The following ETV1 variants were observed in gnomAD, a reference collection of about 807,000 sequenced individuals.
ETV1 encodes the protein ETS variant transcription factor 1.
In ETV1, 27 loss-of-function variants were observed where a neutral mutation model predicts 62.3. The ratio of observed to expected loss-of-function variants is 0.43; its 90% CI spans 0.32 to 0.60. The LOEUF is 0.60. Ranked by LOEUF, ETV1 falls within the 20% of genes least tolerant of loss-of-function variation. The probability of loss-of-function intolerance (pLI) is 0.06; values close to 1 mark genes in which losing one functional copy is unlikely to be tolerated. For synonymous variants in ETV1, 222 were observed against 199.6 expected, an observed-to-expected ratio of 1.11 and a Z score of -0.94; for missense variants, 605 against 605.8, an observed-to-expected ratio of 1.00 and a Z score of 0.01.
chr7:13,938,144 C>T (rs765226357), intron 7 of ETV1, among the ~76,000 whole-genome samples: 8 of 152,078 alleles, frequency 5.3e-5, no homozygotes, highest in Non-Finnish European at 7.3e-5. Flanking sequence ...GAGGTTTCTC[C>T]GTGTTGGTCA....
At chr7:13,925,838 G>T (rs562318383) in intron 9 of ETV1, among the ~76,000 whole-genome samples, 78 of 151,830 alleles carry the variant, frequency 5.1e-4, no homozygotes, top group African/African-American at 1.9e-3. Flanking sequence ...TTACAGGCAT[G>T]AGCCACCGCG....
chr7:13,970,160 C>T (rs1048258613), intron 6 of ETV1, among the ~76,000 whole-genome samples: 4 of 151,924 alleles, frequency 2.6e-5, no homozygotes, highest in Admixed American at 6.6e-5. Context: ...AGCCGGGAGG[C>T]CGAGGCAGGA....
intron 6 of ETV1, among the ~76,000 whole-genome samples, chr7:13,953,693 A>G (rs576394097): frequency 2.6e-4 from 40 of 152,020 alleles, no homozygotes; most frequent in African/African-American, 8.9e-4. Flanking sequence ...AAAAAGAAAG[A>G]AAAAGGTGGG....
chr7:13,976,579 G>A lies in ETV1; in HGVS notation c.235+848C>T, dbSNP rs1326343294. Among the ~76,000 whole-genome samples, 6 of 152,126 alleles carry A rather than the reference G, an allele frequency of 3.9e-5. No homozygotes were observed. The East Asian group carries it at 1.2e-3, about 29-fold the overall frequency. The stretch of plus-strand genomic sequence containing the variant: ...TAGAAAAAATAAAACAAATTTAGAT[G>A]TCACCAACAGAACAAAAATGCATTA... On this transcript the variant is annotated intron_variant, in intron 6 of 13. Transcript: ENST00000430479.
intron 9 of ETV1, 117 bp downstream of exon 9, chr7:13,931,385 T>C: frequency 8.9e-7 from 1 of 1,118,362 alleles, no homozygotes; most frequent in East Asian, 2.4e-5. Context: ...GGACAAAATC[T>C]GAAAGATCTT....
intron 5 of ETV1, chr7:13,986,306 T>C: frequency 6.7e-7 from 1 of 1,503,660 alleles, no homozygotes; most frequent in Non-Finnish European, 8.8e-7. Flanking sequence ...AGGAGGTCTC[T>C]GGAGGTACAA....
At chr7:13,912,202 T>A (rs189712849) in intron 9 of ETV1, among the ~76,000 whole-genome samples, 2 of 152,138 alleles carry the variant, frequency 1.3e-5, no homozygotes, top group African/African-American at 4.8e-5. Context: ...CTATTACATA[T>A]AAGTGTGACT....
At chr7:13,978,725 A>C (rs1197477300) in intron 5 of ETV1, among the ~76,000 whole-genome samples, 2 of 151,926 alleles carry the variant, frequency 1.3e-5, no homozygotes, top group Non-Finnish European at 2.9e-5. Context: ...AAAAAATTTT[A>C]TATAAAAAAG....
intron 6 of ETV1, among the ~76,000 whole-genome samples, chr7:13,948,604 C>T (rs1030642247): frequency 6.6e-6 from 1 of 152,140 alleles, no homozygotes; most frequent in Non-Finnish European, 1.5e-5. Context: ...CACTCTCCCA[C>T]CCATTCATTT....
intron 9 of ETV1, among the ~76,000 whole-genome samples, chr7:13,925,655 T>C (rs1785332357): frequency 6.6e-6 from 1 of 151,310 alleles, no homozygotes; most frequent in Non-Finnish European, 1.5e-5. Context: ...AAGCTACACC[T>C]CCCTGGTTCA....
rs183800141 is a variant in ETV1, at chr7:13,930,459, C to T, written c.802+1043G>A. Reference sequence around the variant, plus strand: ...GCCTCAGCCTACCAAGTAGCTGGGACTACAGGCACGTGCCAGCATGCCCGG... The same window carrying T: ...GCCTCAGCCTACCAAGTAGCTGGGATTACAGGCACGTGCCAGCATGCCCGG... On this transcript the variant is annotated intron_variant, in intron 9 of 13. Coordinates refer to ENST00000430479, the MANE Select transcript of ETV1 (RefSeq NM_004956.5). Among the ~76,000 whole-genome samples the T allele has an allele frequency of 5.4e-3, 817 of 152,060 alleles. 9 individuals are homozygous for T. Among genetic ancestry groups the T allele is most frequent in the African/African-American group, 0.019 (770 of 41,482 alleles).
At chr7:13,927,991 T>C (rs1029370971) in intron 9 of ETV1, among the ~76,000 whole-genome samples, 35 of 152,272 alleles carry the variant, frequency 2.3e-4, no homozygotes, top group African/African-American at 7.7e-4. Context: ...TTACAAGTAA[T>C]CTGCAAGACA....
chr7:13,954,940 C>G (rs1268082233), intron 6 of ETV1, among the ~76,000 whole-genome samples: 1 of 152,108 alleles, frequency 6.6e-6, no homozygotes, highest in Admixed American at 6.5e-5. Context: ...TCAGTAAATG[C>G]CAATAAAACT....
chr7:13,957,046 T>C (rs1237401745), intron 6 of ETV1, among the ~76,000 whole-genome samples: 3 of 152,150 alleles, frequency 2.0e-5, no homozygotes, highest in Admixed American at 1.3e-4. Context: ...TATTTACTGC[T>C]ACGTAAACCT....
At chr7:13,971,526 T>G (rs975725705) in intron 6 of ETV1, among the ~76,000 whole-genome samples, 1 of 152,160 alleles carries the variant, frequency 6.6e-6, no homozygotes, top group Non-Finnish European at 1.5e-5. Context: ...TTTAATAACA[T>G]TTTTTCCAAT....
rs1412003272 is a variant in ETV1, at chr7:13,894,083, CT to C, written c.*1782del. 10 of 231,968 alleles carry C rather than the reference CT, an allele frequency of 4.3e-5. No individual in the cohort carries two copies. The highest frequency in any genetic ancestry group is 2.2e-4 in the African/African-American group (10 of 45,164). 14.4% of individuals were successfully genotyped at this position (231,968 alleles called of 1,614,324 possible). A position where few individuals can be genotyped will look rare whatever the true frequency, so the allele number is the denominator to read the frequency against. On this transcript the variant is annotated 3_prime_UTR_variant, in exon 14 of 14. Transcript: ENST00000430479. ...GAAAATGGGTAGCTGGGGGGATCATCTTTAAACAATCTTTTTCATGCTCATC... is the reference window on the plus strand; with the variant it reads ...GAAAATGGGTAGCTGGGGGGATCATCTTAAACAATCTTTTTCATGCTCATC...
intron 9 of ETV1, among the ~76,000 whole-genome samples, chr7:13,912,490 T>C (rs977675295): frequency 6.6e-6 from 1 of 152,172 alleles, no homozygotes; most frequent in African/African-American, 2.4e-5. Flanking sequence ...ATATTTAAGA[T>C]ATACTGATTT....
At chr7:13,989,816 C>G, upstream of ETV1, 2 of 387,234 alleles carry the variant, frequency 5.2e-6, no homozygotes, top group East Asian at 3.7e-5. Context: ...CCCCTTCCCG[C>G]GGGTCTCCCT....
chr7:13,946,733 T>A lies in ETV1; in HGVS notation c.236-7487A>T, dbSNP rs1247212489. On this transcript the variant is annotated intron_variant, in intron 6 of 13. Coordinates refer to ENST00000430479, the MANE Select transcript of ETV1 (RefSeq NM_004956.5). ...ATAATGTAAAATCACATTTGAACACTTGAAATATAAGGGGAGAATATGAAT... is the reference window on the plus strand; with the variant it reads ...ATAATGTAAAATCACATTTGAACACATGAAATATAAGGGGAGAATATGAAT... 2.0e-5 allele frequency among the ~76,000 whole-genome samples: 3 copies of A among 152,200 alleles called. 1 individual carries two copies. In the East Asian group the frequency reaches 5.8e-4, roughly 29 times the overall value.
Sources: gnomAD v4.1 joint callset for allele counts (sites outside exome capture counted in the v4.1 genomes callset) on GRCh38, gnomAD v4.1.1 for gene constraint, MANE v1.5 for transcripts, NCBI Gene and HGNC (gene_info 2026-07-23, HGNC 2026-07-21) for gene names.